Variants in SLC29A4 observed in about 807,000 individuals in gnomAD.
SLC29A4 encodes solute carrier family 29 member 4.
SLC29A4 carries 36 observed loss-of-function variants against 43.9 expected under a neutral mutation model. The ratio of observed to expected loss-of-function variants is 0.82; its 90% CI spans 0.63 to 1.08. The LOEUF is 1.08. Among genes scored for constraint, SLC29A4 ranks in the 50% least tolerant of loss-of-function variants. SLC29A4 has a pLI of 0.00. For missense variants in SLC29A4, 869 were observed against 755.3 expected, an observed-to-expected ratio of 1.15 and a Z score of -1.77; for synonymous variants, 491 against 338.0, an observed-to-expected ratio of 1.45 and a Z score of -4.97.
Position 5,294,904 on chromosome 7 carries a change from C to T in SLC29A4, c.589C>T (p.Arg197Trp), listed in dbSNP as rs753342920. ...CGGGTACACGGGGATGCTGCCCAAG[C>T]GGTACACGCAGGGGGTGATGACCGG... Reference protein sequence around the residue: ...FYGYTGMLPKRYTQGVMTGES... With the variant: ...FYGYTGMLPKWYTQGVMTGES... Residue 197 changes from arginine (R) to tryptophan (W), a missense_variant, in exon 6 of 11, where the codon CGG becomes TGG. Physicochemically the swap from Arg to Trp is moderately radical, Grantham distance 101. Transcript: ENST00000396872. 3 of 1,610,900 alleles carry T rather than the reference C, an allele frequency of 1.9e-6. No individual in the cohort carries two copies. The highest frequency in any genetic ancestry group is 2.5e-6 in the Non-Finnish European group (3 of 1,179,078).
At chr7:5,300,237 GA>G (rs1249409966) in intron 9 of SLC29A4, among the ~76,000 whole-genome samples, 184 bp from the exon 10 acceptor site, 1 of 151,914 alleles carries the variant, frequency 6.6e-6, no homozygotes, top group African/African-American at 2.4e-5. Flanking sequence ...GACTCTAAGG[GA>G]AAAAAATGTA....
chr7:5,303,507 G>GA lies in SLC29A4; in HGVS notation c.*570dup, dbSNP rs1416307024. Reference sequence around the variant, plus strand: ...CTCCCAAACATAACGCGTTAGCCATGAAGGAGTCGGAGCCCTGGGTCCGAA... The same window carrying GA: ...CTCCCAAACATAACGCGTTAGCCATGAAAGGAGTCGGAGCCCTGGGTCCGAA... On this transcript the variant is annotated 3_prime_UTR_variant, in exon 11 of 11. Transcript: ENST00000396872. 1.3e-5 allele frequency: 2 copies of GA among 156,598 alleles called. No homozygotes were observed. The highest frequency in any genetic ancestry group is 4.8e-5 in the African/African-American group (2 of 41,496). The allele number at this position is 156,598 out of a possible 1,614,324, so 9.7% of individuals were successfully genotyped here.
At chr7:5,291,572 G>A in intron 4 of SLC29A4, 121 bp from the exon 5 acceptor site, 2 of 1,330,716 alleles carry the variant, frequency 1.5e-6, no homozygotes, top group Non-Finnish European at 2.0e-6. Context: ...AAGCATCCCT[G>A]GCCCTCCTTA....
intron 6 of SLC29A4, among the ~76,000 whole-genome samples, chr7:5,295,315 A>G (rs1785576076): frequency 1.3e-5 from 2 of 152,194 alleles, no homozygotes; most frequent in South Asian, 4.1e-4. Flanking sequence ...CCATGCCTAC[A>G]GCACCGCGCT....
intron 2 of SLC29A4, among the ~76,000 whole-genome samples, chr7:5,288,494 C>T (rs181555705): frequency 2.0e-5 from 3 of 151,730 alleles, no homozygotes; most frequent in East Asian, 3.9e-4. Context: ...TTAGTAGAGA[C>T]GGGGTTTCAC....
rs6955281 is a variant in SLC29A4, at chr7:5,291,993, C to G, written c.544+172C>G. ...GCACACCGGCTCACACCCACAGGAG[C>G]CTGTGTAGTGTGTCTGCAGTGTGTG... On this transcript the variant is annotated intron_variant, in intron 5 of 10. Transcript: ENST00000396872. 8.1e-3 allele frequency among the ~76,000 whole-genome samples: 1,231 copies of G among 152,340 alleles called. 14 individuals are homozygous for G. Among genetic ancestry groups the G allele is most frequent in the African/African-American group, 0.028 (1,157 of 41,576 alleles).
In SLC29A4 at chr7:5,306,877, T is replaced by TTAA. The variant is rs532837770; in HGVS notation, c.*3938_*3939insTAA. ...AACAAACAAAATTCCAAAAGAAACA[T>TTAA]AAAAAAAAAAACCAATAATTCCCCC... On this transcript the variant is annotated 3_prime_UTR_variant, in exon 11 of 11. Transcript: ENST00000396872. The TTAA allele has an allele frequency of 6.8e-6, 1 of 146,974 alleles. No individual in the cohort carries two copies. The highest frequency in any genetic ancestry group is 2.5e-5 in the African/African-American group (1 of 40,054). 9.1% of individuals were successfully genotyped at this position (146,974 alleles called of 1,614,324 possible). A position where few individuals can be genotyped will look rare whatever the true frequency, so the allele number is the denominator to read the frequency against.
rs1438890387 is a variant in SLC29A4, at chr7:5,302,945, C to A, written c.*6C>A. On this transcript the variant is annotated 3_prime_UTR_variant, in exon 11 of 11. Transcript: ENST00000396872. The stretch of plus-strand genomic sequence containing the variant: ...CCATCCTCGCAGGCCTCTGAGCCAG[C>A]CCCGCCCACTGCCAGGGACGCCGAG... The A allele has an allele frequency of 1.9e-6, 3 of 1,604,104 alleles. No individual in the cohort carries two copies. Among genetic ancestry groups the A allele is most frequent in the Non-Finnish European group, 1.7e-6 (2 of 1,176,672 alleles).
chr7:5,287,312 G>T (rs4436027), intron 1 of SLC29A4, among the ~76,000 whole-genome samples: 91,141 of 151,694 alleles, frequency 0.6, 29,135 homozygotes, highest in Non-Finnish European at 0.72. Context: ...CAGCTACTTG[G>T]GAGGCTGAAT....
intron 1 of SLC29A4, among the ~76,000 whole-genome samples, chr7:5,285,398 C>A (rs1436584778): frequency 6.6e-6 from 1 of 152,202 alleles, no homozygotes; most frequent in African/African-American, 2.4e-5. Context: ...GACCGCCTCT[C>A]CCCTGGTAGT....
intron 1 of SLC29A4, among the ~76,000 whole-genome samples, chr7:5,284,175 G>T (rs1411546861): frequency 6.6e-6 from 1 of 152,166 alleles, no homozygotes; most frequent in Non-Finnish European, 1.5e-5. Flanking sequence ...CCTGAGGCCA[G>T]GAGTTCAAGG....
At chr7:5,285,906 A>T (rs1784914270) in intron 1 of SLC29A4, among the ~76,000 whole-genome samples, 1 of 152,110 alleles carries the variant, frequency 6.6e-6, no homozygotes, top group Non-Finnish European at 1.5e-5. Flanking sequence ...GCTACTTAAG[A>T]GACTGAGGTG....
chr7:5,297,070 G>T lies in SLC29A4; in HGVS notation c.754G>T (p.Val252Leu), dbSNP rs746629859. 1 of 1,607,978 alleles carries T rather than the reference G, an allele frequency of 6.2e-7. No individual in the cohort carries two copies. Among genetic ancestry groups the T allele is most frequent in the South Asian group, 1.1e-5 (1 of 91,034 alleles). The change falls in exon 7 of 11, where the codon GTG (valine) becomes TTG (leucine). Residue 252 changes from valine (V) to leucine (L), a missense_variant. By Grantham distance (32) the Val-to-Leu change is conservative. Transcript: ENST00000396872. ...ELLCFLLHLL[V>L]RRSRFVLFYT... ...GCTGTGTTTCCTGCTGCACCTGTTA[G>T]TGCGGCGCAGCCGCTTCGTGCTCTT...
At chr7:5,292,809 C>T (rs1407761973) in intron 5 of SLC29A4, among the ~76,000 whole-genome samples, 2 of 146,422 alleles carry the variant, frequency 1.4e-5, no homozygotes, top group Non-Finnish European at 3.0e-5. Flanking sequence ...AGTGATTCTC[C>T]TGTCTCAGCC....
chr7:5,301,837 G>C (rs1786188201), intron 10 of SLC29A4, among the ~76,000 whole-genome samples: 1 of 152,220 alleles, frequency 6.6e-6, no homozygotes, highest in Non-Finnish European at 1.5e-5. Flanking sequence ...ACTGAGATGG[G>C]AAGAGGCCTC....
rs531225227 is a variant in SLC29A4, at chr7:5,299,142, C to T, written c.1021+16C>T. The stretch of plus-strand genomic sequence containing the variant: ...ACCTTCAGAGGTGAGTGCGGGGAGT[C>T]CTCTGCTGCCCTGGCTCTGGCACCC... On this transcript the variant is annotated intron_variant, in intron 8 of 10. Coordinates refer to ENST00000396872, the MANE Select transcript of SLC29A4 (RefSeq NM_153247.4). 2.0e-4 allele frequency: 314 copies of T among 1,603,060 alleles called. No homozygotes were observed. Among genetic ancestry groups the T allele is most frequent in the Non-Finnish European group, 2.4e-4 (281 of 1,173,766 alleles).
chr7:5,294,846 C>CTA lies in SLC29A4; in HGVS notation c.545-13_545-12insAT. On this transcript the variant is annotated splice_polypyrimidine_tract_variant and intron_variant, in intron 5 of 10. Transcript: ENST00000396872. Reference sequence around the variant, plus strand: ...AATGGTGCCTCTGGGTTGTTCCTCTCTCTCTCTCTTAAGTGCAGCAATCCA... The same window carrying CTA: ...AATGGTGCCTCTGGGTTGTTCCTCTCTATCTCTCTCTTAAGTGCAGCAATCCA... 1 of 1,612,052 alleles carries CTA rather than the reference C, an allele frequency of 6.2e-7. No individual in the cohort carries two copies. The highest frequency in any genetic ancestry group is 2.2e-5 in the East Asian group (1 of 44,828).
intron 2 of SLC29A4, among the ~76,000 whole-genome samples, chr7:5,289,781 G>A (rs190560333): frequency 4.5e-4 from 69 of 152,088 alleles, no homozygotes; most frequent in African/African-American, 1.4e-3. Flanking sequence ...AGGTCATACC[G>A]CCACCGAGCA....
intron 6 of SLC29A4, among the ~76,000 whole-genome samples, chr7:5,295,139 G>A (rs1475269259): frequency 6.6e-6 from 1 of 152,170 alleles, no homozygotes; most frequent in Non-Finnish European, 1.5e-5. Flanking sequence ...GGAGGGACAT[G>A]TGGGCCCACA....
Sources: allele counts gnomAD v4.1 joint callset (sites outside exome capture counted in the v4.1 genomes callset), GRCh38; gene constraint gnomAD v4.1.1; transcripts MANE v1.5; gene names NCBI Gene and HGNC (gene_info 2026-07-23, HGNC 2026-07-21).